WWP1: variants seen among roughly 807,000 people sequenced by gnomAD.
WWP1 encodes the protein NEDD4-like E3 ubiquitin-protein ligase WWP1.
Under a neutral mutation model 130.6 loss-of-function variants are expected in WWP1, and 49 were observed. The observed-to-expected ratio is 0.38, with a 90% confidence interval of 0.30 to 0.48. The LOEUF is 0.48. Among genes scored for constraint, WWP1 ranks in the 20% least tolerant of loss-of-function variants. The probability of loss-of-function intolerance (pLI) is 0.99; values close to 1 mark genes in which losing one functional copy is unlikely to be tolerated. For synonymous variants in WWP1, 332 were observed against 367.8 expected, an observed-to-expected ratio of 0.90 and a Z score of 1.11; for missense variants, 809 against 1,100.6, an observed-to-expected ratio of 0.74 and a Z score of 3.75.
Position 86,401,911 on chromosome 8 carries a change from A to G in WWP1, c.540-108A>G, listed in dbSNP as rs373344955. On this transcript the variant is annotated intron_variant, in intron 7 of 24. Transcript: ENST00000517970. Reference sequence around the variant, plus strand: ...TAGAATCTAAAAAATTTTAAAAAAGAAATAACAAAAAAGAAACTTAAGAGA... The same window carrying G: ...TAGAATCTAAAAAATTTTAAAAAAGGAATAACAAAAAAGAAACTTAAGAGA... 246 of 1,138,370 alleles carry G rather than the reference A, an allele frequency of 2.2e-4. 2 individuals carry two copies. The South Asian group carries it at 5.8e-3, about 27-fold the overall frequency. The allele number at this position is 1,138,370 out of a possible 1,614,324, so 70.5% of individuals were successfully genotyped here.
intron 9 of WWP1, among the ~76,000 whole-genome samples, chr8:86,423,959 GCTAACTTAAGTTA>G (rs1365193642): frequency 3.3e-3 from 11 of 3,292 alleles, no homozygotes; most frequent in Non-Finnish European, 7.8e-3. Flanking sequence ...CCCCATAAGC[GCTAACTTAAGTTA>G]GCGCTTATGG....
chr8:86,413,310 G>A (rs1043223365), intron 9 of WWP1, among the ~76,000 whole-genome samples: 4 of 152,020 alleles, frequency 2.6e-5, no homozygotes, highest in Non-Finnish European at 4.4e-5. Context: ...AATTATCCTA[G>A]TCTCTCATGT....
chr8:86,439,335 G>A lies in WWP1; in HGVS notation c.1838+662G>A, dbSNP rs1009245205. 9.3e-5 allele frequency among the ~76,000 whole-genome samples: 8 copies of A among 86,030 alleles called. No homozygotes were observed. In the South Asian group the frequency reaches 3.1e-3, roughly 33 times the overall value. 56.4% of individuals were successfully genotyped at this position (86,030 alleles called of 152,430 possible). ...TCCAGCCTGGGTGATGGAGCAAGAC[G>A]CTGTGTCAAAAAAAAAAAAAAAGTT... On this transcript the variant is annotated intron_variant, in intron 17 of 24. Transcript: ENST00000517970.
Position 86,468,348 on chromosome 8 carries a change from GA to G in WWP1, c.*1458del. 2.2e-6 allele frequency: 1 copy of G among 449,034 alleles called. No individual in the cohort carries two copies. The highest frequency in any genetic ancestry group is 1.6e-5 in the South Asian group (1 of 62,024). The allele number at this position is 449,034 out of a possible 1,614,324, so 27.8% of individuals were successfully genotyped here. On this transcript the variant is annotated 3_prime_UTR_variant, in exon 25 of 25. Transcript: ENST00000517970. ...TTCAGAATTCATAGTAAAGACGAAA[GA>G]AAGGCAGAGATCTGCTTGGTTGAAT...
At position 86,468,489 on chromosome 8, in the gene WWP1, C is replaced by A; in HGVS notation, c.*1596C>A. The A allele has an allele frequency of 2.4e-6, 1 of 420,168 alleles. No individual in the cohort carries two copies. The highest frequency in any genetic ancestry group is 4.6e-6 in the Non-Finnish European group (1 of 215,428). 26.0% of individuals were successfully genotyped at this position (420,168 alleles called of 1,614,324 possible). A position where few individuals can be genotyped will look rare whatever the true frequency, so the allele number is the denominator to read the frequency against. On this transcript the variant is annotated 3_prime_UTR_variant, in exon 25 of 25. Transcript: ENST00000517970. Reference sequence around the variant, plus strand: ...TATGTGATAGAGGGAAACTGGCCTTCAAAAAGGACTGCGTATACCATAAAA... The same window carrying A: ...TATGTGATAGAGGGAAACTGGCCTTAAAAAAGGACTGCGTATACCATAAAA...
intron 20 of WWP1, among the ~76,000 whole-genome samples, chr8:86,449,007 A>AT (rs777593997): frequency 4.2e-3 from 612 of 145,702 alleles, no homozygotes; most frequent in East Asian, 7.7e-3. Context: ...ATTTAAAACA[A>AT]TTTTTTTTTT....
At chr8:86,388,982 A>G (rs1292403760) in intron 5 of WWP1, among the ~76,000 whole-genome samples, 1 of 152,154 alleles carries the variant, frequency 6.6e-6, no homozygotes, top group East Asian at 1.9e-4. Flanking sequence ...AAAGCTTCCC[A>G]TCTTCCAAGA....
intron 8 of WWP1, among the ~76,000 whole-genome samples, chr8:86,408,838 G>A (rs923721061): frequency 1.3e-5 from 2 of 151,876 alleles, no homozygotes; most frequent in African/African-American, 2.4e-5. Flanking sequence ...TGAACCTGGG[G>A]TGCTGAGGTT....
At position 86,424,325 on chromosome 8, in the gene WWP1, G is replaced by T. The variant is rs1448135754; in HGVS notation, c.1062-898G>T. Among the ~76,000 whole-genome samples, 6 of 150,472 alleles carry T rather than the reference G, an allele frequency of 4.0e-5. No homozygotes were observed. The East Asian group carries it at 1.2e-3, about 30-fold the overall frequency. On this transcript the variant is annotated intron_variant, in intron 9 of 24. Transcript: ENST00000517970. Reference sequence around the variant, plus strand: ...AGGCGCTCCTCACTTCCCAGACTGGGCAGCCGGGCAGAGGGGCTCCTCACA... The same window carrying T: ...AGGCGCTCCTCACTTCCCAGACTGGTCAGCCGGGCAGAGGGGCTCCTCACA...
chr8:86,368,342 A>G (rs887517439), intron 1 of WWP1, among the ~76,000 whole-genome samples: 5 of 152,174 alleles, frequency 3.3e-5, no homozygotes, highest in Admixed American at 1.3e-4. Flanking sequence ...TCTTCTCTCT[A>G]TCCTGGTTAG....
intron 1 of WWP1, among the ~76,000 whole-genome samples, chr8:86,355,848 A>C (rs1305968784): frequency 6.6e-6 from 1 of 152,170 alleles, no homozygotes; most frequent in Admixed American, 6.5e-5. Context: ...CAAACTTCTC[A>C]TTTTAAGGCA....
intron 9 of WWP1, among the ~76,000 whole-genome samples, chr8:86,412,885 A>G (rs199897378): frequency 2.4e-4 from 37 of 151,976 alleles, no homozygotes; most frequent in African/African-American, 8.0e-4. Context: ...CTAGAGTGCA[A>G]TGGCACGATC....
chr8:86,467,792 C>T lies in WWP1; in HGVS notation c.*899C>T, dbSNP rs191645316. 43 of 152,046 alleles carry T rather than the reference C, an allele frequency of 2.8e-4. No individual in the cohort carries two copies. The East Asian group carries it at 5.8e-3, about 20-fold the overall frequency. 9.4% of individuals were successfully genotyped at this position (152,046 alleles called of 1,614,324 possible). A position where few individuals can be genotyped will look rare whatever the true frequency, so the allele number is the denominator to read the frequency against. ...GTAAACTCTGCCACTTTTTTGTGTT[C>T]AAAATTTTGGTTTTTATGAAGCCAG... On this transcript the variant is annotated 3_prime_UTR_variant, in exon 25 of 25. Coordinates refer to ENST00000517970, the MANE Select transcript of WWP1 (RefSeq NM_007013.4).
rs547053540 is a variant in WWP1 at position 86,383,469 on chromosome 8, C to A, written c.334+1840C>A. Among the ~76,000 whole-genome samples, 157 of 152,286 alleles carry A rather than the reference C, an allele frequency of 1.0e-3. 1 individual carries two copies. Among genetic ancestry groups the A allele is most frequent in the African/African-American group, 3.6e-3 (149 of 41,550 alleles). On this transcript the variant is annotated intron_variant, in intron 5 of 24. Transcript: ENST00000517970. ...AGCTAAAAATTACCTTGGCTGTGTG[C>A]AGTGGTTCATGCCTGTAATCCCACC...
chr8:86,376,526 G>A (rs552665787), intron 3 of WWP1, among the ~76,000 whole-genome samples: 2 of 151,952 alleles, frequency 1.3e-5, no homozygotes, highest in South Asian at 2.1e-4. Flanking sequence ...CCGAGATGGC[G>A]TCACTGCATT....
At chr8:86,356,163 G>T (rs1030135448) in intron 1 of WWP1, among the ~76,000 whole-genome samples, 1 of 67,374 alleles carries the variant, frequency 1.5e-5, no homozygotes, top group African/African-American at 8.2e-5. Context: ...TTCAGGTTCC[G>T]TGTTTTAAGA....
At chr8:86,457,100 T>C (rs901844194) in intron 21 of WWP1, among the ~76,000 whole-genome samples, 1 of 151,888 alleles carries the variant, frequency 6.6e-6, no homozygotes, top group African/African-American at 2.4e-5. Context: ...TCGAACTATA[T>C]ACCTAAGTTT....
At chr8:86,410,297 G>A (rs1808511426) in intron 8 of WWP1, among the ~76,000 whole-genome samples, 1 of 152,140 alleles carries the variant, frequency 6.6e-6, no homozygotes, top group Non-Finnish European at 1.5e-5. Flanking sequence ...TCTGAGCCTG[G>A]AGCCTTTAGG....
chr8:86,350,582 G>T (rs1470448139), intron 1 of WWP1, among the ~76,000 whole-genome samples: 1 of 152,142 alleles, frequency 6.6e-6, no homozygotes, highest in Non-Finnish European at 1.5e-5. Context: ...AATAGGAAAG[G>T]CCAGGGCACA....
Sources: allele counts gnomAD v4.1 joint callset (sites outside exome capture counted in the v4.1 genomes callset), GRCh38; gene constraint gnomAD v4.1.1; transcripts MANE v1.5; gene names NCBI Gene and HGNC (gene_info 2026-07-23, HGNC 2026-07-21).